Variants in TNNI3K observed in about 807,000 individuals in gnomAD.
TNNI3K encodes the protein serine/threonine-protein kinase TNNI3K.
A neutral mutation model predicts 114.5 loss-of-function variants in TNNI3K; 140 were observed. The ratio of observed to expected loss-of-function variants is 1.22; its 90% CI spans 1.07 to 1.41. The LOEUF is 1.41. TNNI3K is among the 40% of genes most tolerant of loss of function. TNNI3K has a pLI of 0.00. For missense variants in TNNI3K, 1,125 were observed against 1,007.6 expected (o/e 1.12, Z -1.58); for synonymous variants, 347 against 347.5 (o/e 1.00, Z 0.02).
chr1:74,462,439 C>T (rs923047233), intron 20 of TNNI3K, among the ~76,000 whole-genome samples: 1 of 152,126 alleles, frequency 6.6e-6, no homozygotes, highest in African/African-American at 2.4e-5. Context: ...GAGGAATAGA[C>T]AGGGCATCAT....
intron 17 of TNNI3K, among the ~76,000 whole-genome samples, chr1:74,410,519 A>G (rs913844163): frequency 2.0e-5 from 3 of 152,186 alleles, no homozygotes; most frequent in Non-Finnish European, 4.4e-5. Context: ...AAAATAATCT[A>G]GTTTTATTTG....
At chr1:74,367,805 A>C in intron 12 of TNNI3K, 103 bp from the exon 13 acceptor site, 3 of 1,087,686 alleles carry the variant, frequency 2.8e-6, no homozygotes, top group Non-Finnish European at 4.0e-6. Flanking sequence ...CTGAAGCGAT[A>C]GTTTTACTTC....
chr1:74,449,400 C>T (rs1267088826), intron 20 of TNNI3K, among the ~76,000 whole-genome samples: 4 of 151,390 alleles, frequency 2.6e-5, no homozygotes, highest in South Asian at 2.1e-4. Flanking sequence ...TTTGTTGATC[C>T]TTTCAAAAAA....
rs1656863752 is a variant in TNNI3K, at chr1:74,279,295, A to G, written c.444+7587A>G. ...CATTCTTAGGCAGTTATGACTCTGT[A>G]AAAATGCAAAAGTTTCTAATGCTTC... is the stretch of plus-strand genomic sequence containing the variant. On this transcript the variant is annotated intron_variant, in intron 5 of 24. Coordinates refer to ENST00000326637, the MANE Select transcript of TNNI3K (RefSeq NM_015978.3). Among the ~76,000 whole-genome samples the G allele has an allele frequency of 1.3e-5, 2 of 152,090 alleles. 1 individual carries two copies. Among genetic ancestry groups the G allele is most frequent in the South Asian group, 4.1e-4 (2 of 4,832 alleles).
chr1:74,387,507 A>G (rs768959370), intron 17 of TNNI3K, among the ~76,000 whole-genome samples: 3 of 152,228 alleles, frequency 2.0e-5, no homozygotes, highest in Non-Finnish European at 4.4e-5. Context: ...GACTTCCCAA[A>G]TTGAAGCCCA....
At chr1:74,493,285 A>G (rs982181607) in intron 23 of TNNI3K, among the ~76,000 whole-genome samples, 1 of 152,234 alleles carries the variant, frequency 6.6e-6, no homozygotes, top group African/African-American at 2.4e-5. Flanking sequence ...TGGAATTAAA[A>G]TGGTGGTTGT....
At chr1:74,273,152 C>T (rs1252070386) in intron 5 of TNNI3K, among the ~76,000 whole-genome samples, 1 of 151,916 alleles carries the variant, frequency 6.6e-6, no homozygotes, top group East Asian at 1.9e-4. Context: ...AACAGTGTCA[C>T]TTCAAAGGGC....
chr1:74,332,427 A>C (rs549650229), intron 6 of TNNI3K, among the ~76,000 whole-genome samples: 1 of 152,006 alleles, frequency 6.6e-6, no homozygotes, highest in Non-Finnish European at 1.5e-5. Flanking sequence ...CAGCCTCCCA[A>C]GTAGCTGAGA....
intron 17 of TNNI3K, among the ~76,000 whole-genome samples, chr1:74,396,101 T>C (rs1664066258): frequency 6.6e-6 from 1 of 152,168 alleles, no homozygotes; most frequent in Non-Finnish European, 1.5e-5. Context: ...TAGCCTTCTC[T>C]CAATGAAAAG....
chr1:74,358,835 C>T (rs187329354), intron 11 of TNNI3K, among the ~76,000 whole-genome samples: 2,570 of 151,750 alleles, frequency 0.017, 32 homozygotes, highest in Middle Eastern at 0.041. Flanking sequence ...AGATAACTCA[C>T]AAAAATGTTT....
chr1:74,480,642 C>T, intron 21 of TNNI3K: 1 of 717,270 alleles, frequency 1.4e-6, no homozygotes, highest in South Asian at 1.5e-5. Context: ...TGATTCCCAT[C>T]CAGCTGGAGC....
intron 5 of TNNI3K, among the ~76,000 whole-genome samples, chr1:74,287,853 G>A (rs561823202): frequency 2.6e-5 from 4 of 151,906 alleles, no homozygotes; most frequent in Non-Finnish European, 5.9e-5. Flanking sequence ...GTTAATACTC[G>A]AAATATATAA....
chr1:74,495,854 G>A (rs1057286886), intron 23 of TNNI3K, among the ~76,000 whole-genome samples: 68 of 152,076 alleles, frequency 4.5e-4, no homozygotes, highest in African/African-American at 1.4e-3. Flanking sequence ...GAATAACTTC[G>A]ACTATTTCTC....
intron 2 of TNNI3K, among the ~76,000 whole-genome samples, chr1:74,239,198 C>T (rs140799635): frequency 9.2e-5 from 14 of 152,116 alleles, no homozygotes; most frequent in South Asian, 2.1e-4. Flanking sequence ...TGTCTGATTT[C>T]GTCAAGGTAG....
chr1:74,238,489 T>C (rs1653993668), intron 2 of TNNI3K, among the ~76,000 whole-genome samples: 1 of 152,038 alleles, frequency 6.6e-6, no homozygotes, highest in South Asian at 2.1e-4. Flanking sequence ...AGAAGACTTA[T>C]CATAAAGTGA....
At chr1:74,258,180 T>C (rs1655446155) in intron 4 of TNNI3K, among the ~76,000 whole-genome samples, 1 of 152,136 alleles carries the variant, frequency 6.6e-6, no homozygotes, top group African/African-American at 2.4e-5. Context: ...CAGGTGATCT[T>C]TTCTAGATCT....
chr1:74,443,061 A>G (rs899329229), intron 20 of TNNI3K, among the ~76,000 whole-genome samples: 2 of 152,198 alleles, frequency 1.3e-5, no homozygotes, highest in African/African-American at 4.8e-5. Flanking sequence ...AAAAAGCTAG[A>G]AAGATCTCAA....
intron 22 of TNNI3K, among the ~76,000 whole-genome samples, chr1:74,491,599 T>C (rs1339817656): frequency 6.6e-6 from 1 of 152,188 alleles, no homozygotes; most frequent in Non-Finnish European, 1.5e-5. Flanking sequence ...GAGTGGCCTG[T>C]TCAATATGGG....
At chr1:74,433,059 TTC>T (rs34696744) in intron 17 of TNNI3K, among the ~76,000 whole-genome samples, 2,722 of 152,174 alleles carry the variant, frequency 0.018, 55 homozygotes, top group East Asian at 0.06. Flanking sequence ...TTTTACTCCC[TTC>T]TCTCTGCACT....
Sources: allele counts gnomAD v4.1 joint callset (sites outside exome capture counted in the v4.1 genomes callset), GRCh38; gene constraint gnomAD v4.1.1; transcripts MANE v1.5; gene names NCBI Gene and HGNC (gene_info 2026-07-23, HGNC 2026-07-21).